The following UFD1 variants were observed in gnomAD, a reference collection of about 807,000 sequenced individuals.
UFD1 encodes ubiquitin recognition factor in ER associated degradation 1.
In UFD1, 13 loss-of-function variants were observed where a neutral mutation model predicts 45.9. The ratio of observed to expected loss-of-function variants is 0.28; its 90% CI spans 0.18 to 0.45. The LOEUF is 0.45. Ranked by LOEUF, UFD1 falls within the 20% of genes least tolerant of loss-of-function variation. UFD1 has a pLI of 1.00. For synonymous variants in UFD1, 128 were observed against 139.2 expected (o/e 0.92, Z 0.56); for missense variants, 218 against 389.2 (o/e 0.56, Z 3.70).
At chr22:19,473,189 G>A (rs760101473) in intron 3 of UFD1, among the ~76,000 whole-genome samples, 62 of 152,316 alleles carry the variant, frequency 4.1e-4, no homozygotes, top group Admixed American at 1.2e-3. Context: ...ACTGGACTGG[G>A]CTCAGCCAAG....
chr22:19,479,151 TCTCCCAGCC>T lies in UFD1; in HGVS notation c.-75_-67del. 1 of 1,582,392 alleles carries T rather than the reference TCTCCCAGCC, an allele frequency of 6.3e-7. No homozygotes were observed. On this transcript the variant is annotated 5_prime_UTR_variant, in exon 1 of 12. Coordinates refer to ENST00000263202, the MANE Select transcript of UFD1 (RefSeq NM_005659.7). ...GCAACGAAGAAACCCCGCCGACCGC[TCTCCCAGCC>T]GCCGCTGCCGCTGCCGCCGCGCCAA...
chr22:19,460,575 T>C (rs1339542765), intron 6 of UFD1, among the ~76,000 whole-genome samples: 57 of 152,152 alleles, frequency 3.7e-4, no homozygotes, highest in Non-Finnish European at 1.5e-5. Context: ...TCTGCTGGAC[T>C]GCCATGTGGT....
At chr22:19,457,034 A>T in intron 7 of UFD1, 116 bp from the exon 8 acceptor site, 1 of 754,876 alleles carries the variant, frequency 1.3e-6, no homozygotes, top group African/African-American at 1.7e-5. Flanking sequence ...AATAATACAA[A>T]AGATGCCTTG....
At chr22:19,453,005 T>C (rs761282495) in intron 11 of UFD1, 123 of 976,794 alleles carry the variant, frequency 1.3e-4, no homozygotes, top group African/African-American at 4.0e-4. Flanking sequence ...GCTCCTTTGG[T>C]TTCTGTGGCT....
At chr22:19,452,987 T>G in intron 11 of UFD1, 1 of 960,746 alleles carries the variant, frequency 1.0e-6, no homozygotes, top group Non-Finnish European at 1.2e-6. Context: ...ATTTCCCTGA[T>G]GATTTCTGCT....
At chr22:19,470,107 TG>T in intron 4 of UFD1, 1 of 477,558 alleles carries the variant, frequency 2.1e-6, no homozygotes, top group African/African-American at 2.0e-5. Context: ...CTCAGGCCCT[TG>T]GGGGCACCTG....
At position 19,454,408 on chromosome 22, in the gene UFD1, C is replaced by T. The variant is rs1375410434; in HGVS notation, c.849+341G>A. 5 of 808,844 alleles carry T rather than the reference C, an allele frequency of 6.2e-6. No individual in the cohort carries two copies. The African/African-American group carries it at 7.7e-5, about 12-fold the overall frequency. The allele number at this position is 808,844 out of a possible 1,614,324, so 50.1% of individuals were successfully genotyped here. ...GTGGGAGGTAACTGAGTCATGAGGGCGGGTCTTTTCCGTGCTGTTATCATG... is the reference window on the plus strand; with the variant it reads ...GTGGGAGGTAACTGAGTCATGAGGGTGGGTCTTTTCCGTGCTGTTATCATG... On this transcript the variant is annotated intron_variant, in intron 11 of 11. Coordinates refer to ENST00000263202, the MANE Select transcript of UFD1 (RefSeq NM_005659.7).
chr22:19,478,796 A>T (rs1390028679), intron 1 of UFD1: 1 of 494,714 alleles, frequency 2.0e-6, no homozygotes, highest in East Asian at 3.6e-5. Context: ...CGCGTCCAGC[A>T]CTTGGGAAAC....
chr22:19,458,775 T>C (rs2089743321), intron 6 of UFD1, among the ~76,000 whole-genome samples: 1 of 152,254 alleles, frequency 6.6e-6, no homozygotes, highest in African/African-American at 2.4e-5. Context: ...TAACTAGCTA[T>C]ACCCAATGAG....
intron 3 of UFD1, among the ~76,000 whole-genome samples, chr22:19,472,540 G>C (rs1232532529): frequency 1.3e-5 from 2 of 152,220 alleles, no homozygotes; most frequent in African/African-American, 4.8e-5. Flanking sequence ...AAGTAAGCTG[G>C]ACTGGTGACG....
Position 19,454,846 on chromosome 22 carries a change from G to C in UFD1, c.768-16C>G. 1 of 1,607,982 alleles carries C rather than the reference G, an allele frequency of 6.2e-7. No homozygotes were observed. The highest frequency in any genetic ancestry group is 8.5e-7 in the Non-Finnish European group (1 of 1,177,832). On this transcript the variant is annotated splice_polypyrimidine_tract_variant and intron_variant, in intron 10 of 11. Coordinates refer to ENST00000263202, the MANE Select transcript of UFD1 (RefSeq NM_005659.7). The stretch of plus-strand genomic sequence containing the variant: ...GGGAATTCCTCTGTAAGAAGAGACA[G>C]AGACAGAGAAATGTTATTTCCAGGA...
At chr22:19,458,417 A>G (rs1448498215) in intron 6 of UFD1, among the ~76,000 whole-genome samples, 2 of 152,152 alleles carry the variant, frequency 1.3e-5, no homozygotes, top group African/African-American at 4.8e-5. Context: ...TTAACCTGGA[A>G]AGTTCACTTC....
chr22:19,478,814 T>G, intron 1 of UFD1: 1 of 514,290 alleles, frequency 1.9e-6, no homozygotes. Context: ...AACCCGTGAA[T>G]GGACACAAAC....
chr22:19,477,130 A>C (rs754524071), intron 1 of UFD1, among the ~76,000 whole-genome samples: 7 of 152,172 alleles, frequency 4.6e-5, no homozygotes, highest in Non-Finnish European at 1.0e-4. Flanking sequence ...TTCTATTTTA[A>C]TATTTTTGGA....
intron 6 of UFD1, among the ~76,000 whole-genome samples, chr22:19,459,989 A>G (rs1041522575): frequency 6.6e-6 from 1 of 151,966 alleles, no homozygotes; most frequent in African/African-American, 2.4e-5. Context: ...CACCCGCCTC[A>G]GCCTCCCAAA....
At chr22:19,464,428 G>T (rs531353487) in intron 6 of UFD1, among the ~76,000 whole-genome samples, 1 of 152,374 alleles carries the variant, frequency 6.6e-6, no homozygotes, top group South Asian at 2.1e-4. Context: ...CATGCCTGTG[G>T]TGGGACAGCC....
intron 4 of UFD1, chr22:19,471,482 C>T (rs938856796): frequency 2.5e-6 from 2 of 804,950 alleles, no homozygotes; most frequent in South Asian, 1.4e-5. Context: ...AGCACAGTGG[C>T]CCACAGGTGC....
At chr22:19,455,820 T>C in intron 9 of UFD1, 52 bp from the exon 10 acceptor site, 2 of 1,537,884 alleles carry the variant, frequency 1.3e-6, no homozygotes, top group Non-Finnish European at 1.8e-6. Flanking sequence ...GAGGACGATA[T>C]GTCCTTTGCT....
At chr22:19,474,944 G>T in intron 3 of UFD1, 124 bp downstream of exon 3, 6 of 1,018,042 alleles carry the variant, frequency 5.9e-6, no homozygotes, top group Non-Finnish European at 8.6e-6. Flanking sequence ...TGCCCTCCAC[G>T]GACAATTCAC....
Sources: allele counts gnomAD v4.1 joint callset (sites outside exome capture counted in the v4.1 genomes callset), GRCh38; gene constraint gnomAD v4.1.1; transcripts MANE v1.5; gene names NCBI Gene and HGNC (gene_info 2026-07-23, HGNC 2026-07-21).